ESRRG: variants seen among roughly 807,000 people sequenced by gnomAD.
ESRRG encodes estrogen related receptor gamma.
Under a neutral mutation model 44.0 loss-of-function variants are expected in ESRRG, and 13 were observed. That is an observed-to-expected ratio of 0.30 (90% confidence interval 0.19 to 0.47). ESRRG has a LOEUF of 0.47. Among genes scored for constraint, ESRRG ranks in the 20% least tolerant of loss-of-function variants. The probability of loss-of-function intolerance (pLI) is 1.00; values close to 1 mark genes in which losing one functional copy is unlikely to be tolerated. For synonymous variants in ESRRG, 215 were observed against 214.6 expected, an observed-to-expected ratio of 1.00 and a Z score of -0.02; for missense variants, 395 against 580.6, an observed-to-expected ratio of 0.68 and a Z score of 3.29.
At chr1:216,833,032 T>TC (rs762505369) in intron 2 of ESRRG, among the ~76,000 whole-genome samples, 1 of 151,972 alleles carries the variant, frequency 6.6e-6, no homozygotes, top group Non-Finnish European at 1.5e-5. Flanking sequence ...TATTTTTTTT[T>TC]CTCTGTAGGA....
In ESRRG at chr1:216,699,424, G is replaced by A. The variant is rs781076558; in HGVS notation, c.57-21933C>T. Among the ~76,000 whole-genome samples, 3 of 152,042 alleles carry A rather than the reference G, an allele frequency of 2.0e-5. 1 individual carries two copies. Among genetic ancestry groups the A allele is most frequent in the Non-Finnish European group, 2.9e-5 (2 of 68,002 alleles). On this transcript the variant is annotated intron_variant, in intron 1 of 6. Transcript: ENST00000408911. The stretch of plus-strand genomic sequence containing the variant: ...AAAGGAGACATCATAATAACCTGCC[G>A]GCTGGTAATGATGGATATGTTTTTA...
At chr1:216,949,175 C>T (rs2066553447) in intron 1 of ESRRG, among the ~76,000 whole-genome samples, 1 of 152,232 alleles carries the variant, frequency 6.6e-6, no homozygotes, top group African/African-American at 2.4e-5. Flanking sequence ...CCATCTCCAG[C>T]TCCCTCCTTC....
chr1:216,994,071 G>T (rs12741622), intron 1 of ESRRG, among the ~76,000 whole-genome samples: 52 of 152,086 alleles, frequency 3.4e-4, no homozygotes, highest in Admixed American at 2.7e-3. Context: ...GTGCATTTCT[G>T]AGAGTTCTTA....
chr1:216,686,066 A>C (rs1027624642), intron 1 of ESRRG: 10 of 152,324 alleles, frequency 6.6e-5, no homozygotes, highest in Middle Eastern at 3.4e-3. Flanking sequence ...CAGTTAAACT[A>C]TATTTATATT....
intron 3 of ESRRG, among the ~76,000 whole-genome samples, chr1:216,594,331 A>C (rs2058124745): frequency 6.6e-6 from 1 of 152,212 alleles, no homozygotes. Context: ...TCTGGAAATG[A>C]ATGTAATCTA....
chr1:217,082,932 C>T (rs1487039944), intron 1 of ESRRG, among the ~76,000 whole-genome samples: 1 of 152,162 alleles, frequency 6.6e-6, no homozygotes, highest in Non-Finnish European at 1.5e-5. Flanking sequence ...TTCTAAGAAT[C>T]CCTTTCAGAT....
Position 216,580,156 on chromosome 1 carries a change from A to G in ESRRG, c.590-12058T>C, listed in dbSNP as rs185110539. ...ATCACATGCCTGCTACACAGTAGGT[A>G]CTCAAAAATACTGAGTAAGTGAATA... On this transcript the variant is annotated intron_variant, in intron 3 of 6. Transcript: ENST00000408911. 3.9e-5 allele frequency among the ~76,000 whole-genome samples: 6 copies of G among 152,342 alleles called. No homozygotes were observed. In the East Asian group the frequency reaches 9.7e-4, roughly 25 times the overall value.
chr1:217,105,852 C>T (rs879932706), intron 1 of ESRRG, among the ~76,000 whole-genome samples: 1 of 152,090 alleles, frequency 6.6e-6, no homozygotes, highest in Non-Finnish European at 1.5e-5. Flanking sequence ...CTTGGAGTCT[C>T]CTAGGTGAAA....
At chr1:216,529,169 A>T (rs897452200) in intron 5 of ESRRG, among the ~76,000 whole-genome samples, 1 of 152,176 alleles carries the variant, frequency 6.6e-6, no homozygotes, top group African/African-American at 2.4e-5. Context: ...AGATAGCTCT[A>T]TGCAAATAAT....
chr1:216,809,715 G>A (rs2094909942), intron 2 of ESRRG, among the ~76,000 whole-genome samples: 1 of 152,066 alleles, frequency 6.6e-6, no homozygotes, highest in African/African-American at 2.4e-5. Flanking sequence ...CATCTAACAG[G>A]TGGGCCCCTC....
intron 1 of ESRRG, among the ~76,000 whole-genome samples, chr1:216,958,305 T>C (rs1048326410): frequency 1.3e-5 from 2 of 152,146 alleles, no homozygotes; most frequent in Non-Finnish European, 2.9e-5. Context: ...AGAGTAGAAT[T>C]GCTGGGTCAT....
chr1:216,710,042 G>C (rs74459414), intron 1 of ESRRG, among the ~76,000 whole-genome samples: 1 of 152,052 alleles, frequency 6.6e-6, no homozygotes, highest in Non-Finnish European at 1.5e-5. Flanking sequence ...ATGCTCCCTC[G>C]CATGCCTTCT....
chr1:216,808,935 G>A (rs2094883636), intron 2 of ESRRG, among the ~76,000 whole-genome samples: 1 of 151,402 alleles, frequency 6.6e-6, no homozygotes, highest in African/African-American at 2.4e-5. Context: ...TTTCTCAAAT[G>A]GGAAAGAAAG....
intron 2 of ESRRG, among the ~76,000 whole-genome samples, chr1:216,662,857 A>G (rs986411709): frequency 6.6e-6 from 1 of 152,210 alleles, no homozygotes; most frequent in Non-Finnish European, 1.5e-5. Flanking sequence ...ACCATACTAG[A>G]ATAGGTGTGG....
At chr1:216,787,507 G>A (rs1221761680) in intron 2 of ESRRG, among the ~76,000 whole-genome samples, 1 of 150,526 alleles carries the variant, frequency 6.6e-6, no homozygotes, top group Non-Finnish European at 1.5e-5. Context: ...GGAGGCTGAG[G>A]CAGGAGAATT....
intron 2 of ESRRG, among the ~76,000 whole-genome samples, chr1:216,764,017 G>A (rs1203590292): frequency 6.6e-6 from 1 of 152,102 alleles, no homozygotes; most frequent in Non-Finnish European, 1.5e-5. Context: ...ATAGTTCAAA[G>A]CAATGTCTTA....
intron 1 of ESRRG, among the ~76,000 whole-genome samples, chr1:217,079,592 A>G (rs1265006614): frequency 6.6e-6 from 1 of 152,176 alleles, no homozygotes; most frequent in African/African-American, 2.4e-5. Context: ...TATCTCTACC[A>G]CTTTCTACCT....
At chr1:216,808,657 C>G (rs114293594) in intron 2 of ESRRG, among the ~76,000 whole-genome samples, 5 of 152,050 alleles carry the variant, frequency 3.3e-5, no homozygotes, top group African/African-American at 1.2e-4. Context: ...CTCCTGGGCT[C>G]AAGCTATCTG....
At chr1:216,855,416 G>GA (rs202109742) in intron 2 of ESRRG, among the ~76,000 whole-genome samples, 1 of 147,742 alleles carries the variant, frequency 6.8e-6, no homozygotes, top group South Asian at 2.2e-4. Context: ...TTAATTGTTA[G>GA]AAAAAAAATA....
Sources: gnomAD v4.1 joint callset for allele counts (sites outside exome capture counted in the v4.1 genomes callset) on GRCh38, gnomAD v4.1.1 for gene constraint, MANE v1.5 for transcripts, NCBI Gene and HGNC (gene_info 2026-07-23, HGNC 2026-07-21) for gene names.